Variants in CELF2 observed in about 807,000 individuals in gnomAD.
CELF2 encodes the protein CUGBP Elav-like family member 2, also known as CUG triplet repeat RNA-binding protein 2.
Under a neutral mutation model 62.6 loss-of-function variants are expected in CELF2, and 8 were observed. That is an observed-to-expected ratio of 0.13 (90% CI 0.07 to 0.23). The LOEUF (loss-of-function observed/expected upper bound fraction) is 0.23. Ranked by LOEUF, CELF2 falls within the 10% of genes least tolerant of loss-of-function variation. The pLI, the probability that CELF2 is intolerant of heterozygous loss-of-function variation, is 1.00. For missense variants in CELF2, 333 were observed against 671.0 expected (o/e 0.50, Z 5.56); for synonymous variants, 258 against 250.0 (o/e 1.03, Z -0.30).
At chr10:10,536,022 AT>A in the CELF2 span, among the ~76,000 whole-genome samples, 65 of 140,180 alleles carry the variant, frequency 4.6e-4, no homozygotes, top group Middle Eastern at 3.8e-3. Context: ...AAGCTTTTGG[AT>A]TTTTTTTTTT....
intron 1 of CELF2, among the ~76,000 whole-genome samples, chr10:10,838,906 G>A (rs780940623): frequency 9.2e-5 from 14 of 152,194 alleles, no homozygotes; most frequent in Admixed American, 2.0e-4. Flanking sequence ...TTGGGAGGCC[G>A]AGGCGGGCAG....
chr10:10,482,480 T>C, the CELF2 span, among the ~76,000 whole-genome samples: 1 of 152,354 alleles, frequency 6.6e-6, no homozygotes, highest in Middle Eastern at 3.4e-3. Flanking sequence ...TAAAAAAGTT[T>C]CCTTCACTGT....
At chr10:10,624,032 C>T in the CELF2 span, among the ~76,000 whole-genome samples, 1 of 152,172 alleles carries the variant, frequency 6.6e-6, no homozygotes, top group Non-Finnish European at 1.5e-5. Flanking sequence ...TGGATTGACT[C>T]TTCTGCTCTT....
At chr10:11,070,748 A>G (rs777540753) in intron 1 of CELF2, among the ~76,000 whole-genome samples, 11 of 152,196 alleles carry the variant, frequency 7.2e-5, no homozygotes, top group Non-Finnish European at 1.6e-4. Flanking sequence ...CATGGGAGAA[A>G]ACATGATACT....
the CELF2 span, among the ~76,000 whole-genome samples, chr10:10,663,839 C>T: frequency 6.6e-6 from 1 of 152,094 alleles, no homozygotes; most frequent in Non-Finnish European, 1.5e-5. Context: ...AATTAAAGCC[C>T]AAATAGATTC....
chr10:11,127,295 G>C (rs2058867625), intron 1 of CELF2, among the ~76,000 whole-genome samples: 1 of 152,168 alleles, frequency 6.6e-6, no homozygotes, highest in Non-Finnish European at 1.5e-5. Context: ...GTCTATCATT[G>C]ATGGAGATTT....
chr10:10,980,990 C>T (rs117628914), intron 2 of CELF2, among the ~76,000 whole-genome samples: 6,160 of 152,236 alleles, frequency 0.04, 185 homozygotes, highest in Non-Finnish European at 0.06. Context: ...TGTACGTCTA[C>T]ACTTTTTATA....
chr10:10,500,805 C>G, the CELF2 span, among the ~76,000 whole-genome samples: 1 of 152,220 alleles, frequency 6.6e-6, no homozygotes, highest in Non-Finnish European at 1.5e-5. Context: ...CTGCTCCTGC[C>G]TGCTCCTTAA....
At chr10:11,175,826 G>A (rs1051939961) in intron 2 of CELF2, among the ~76,000 whole-genome samples, 30 of 152,228 alleles carry the variant, frequency 2.0e-4, no homozygotes, top group African/African-American at 7.0e-4. Flanking sequence ...GCTTCTGGGT[G>A]CCTACTGTGT....
intron 5 of CELF2, among the ~76,000 whole-genome samples, chr10:11,264,505 C>G (rs542693821): frequency 6.6e-6 from 1 of 152,322 alleles, no homozygotes; most frequent in East Asian, 1.9e-4. Context: ...AAATCTATCT[C>G]CAATAGATGA....
intron 1 of CELF2, among the ~76,000 whole-genome samples, chr10:11,093,654 G>C (rs1444191008): frequency 6.6e-6 from 1 of 152,102 alleles, no homozygotes; most frequent in Non-Finnish European, 1.5e-5. Flanking sequence ...CTATAAAATA[G>C]TTCAGCAATT....
chr10:11,268,366 T>A lies in CELF2; in HGVS notation c.618+1689T>A, dbSNP rs796992963. ...TTTTGAACCTCAATTCTTCAGTGTTTCTGTTAGAAACATTACGATCCCCAT... is the reference window on the plus strand; with the variant it reads ...TTTTGAACCTCAATTCTTCAGTGTTACTGTTAGAAACATTACGATCCCCAT... On this transcript the variant is annotated intron_variant, in intron 6 of 12. Coordinates refer to ENST00000633077, the MANE Select transcript of CELF2 (RefSeq NM_001326342.2). This position sits in a 1 kb window ranked among gnomAD's most constrained non-coding sequence, Gnocchi z 4.7. Among the ~76,000 whole-genome samples, 1 of 152,214 alleles carries A rather than the reference T, an allele frequency of 6.6e-6. No homozygotes were observed. The highest frequency in any genetic ancestry group is 1.5e-5 in the Non-Finnish European group (1 of 68,038).
intron 1 of CELF2, among the ~76,000 whole-genome samples, chr10:10,890,976 T>C (rs1418192102): frequency 1.3e-5 from 2 of 151,918 alleles, no homozygotes; most frequent in African/African-American, 4.8e-5. Context: ...GACTGCAGCA[T>C]TGCACTCCAG....
chr10:11,298,382 G>A (rs866169569), intron 9 of CELF2, among the ~76,000 whole-genome samples: 4 of 152,196 alleles, frequency 2.6e-5, no homozygotes, highest in African/African-American at 9.7e-5. Context: ...CTGAGGGAGG[G>A]AACACTGACC....
At chr10:11,087,123 G>C (rs1205622559) in intron 1 of CELF2, among the ~76,000 whole-genome samples, 1 of 152,186 alleles carries the variant, frequency 6.6e-6, no homozygotes, top group Non-Finnish European at 1.5e-5. Flanking sequence ...CATCAGTGCT[G>C]TCTTACATCT....
the CELF2 span, among the ~76,000 whole-genome samples, chr10:10,585,866 A>G: frequency 6.6e-6 from 1 of 152,184 alleles, no homozygotes; most frequent in Admixed American, 6.6e-5. Flanking sequence ...AAAATTTAGC[A>G]TGACTGTTTA....
chr10:10,686,132 G>A, the CELF2 span, among the ~76,000 whole-genome samples: 1 of 152,070 alleles, frequency 6.6e-6, no homozygotes, highest in Non-Finnish European at 1.5e-5. Context: ...TGATTTCGTT[G>A]TTGGCAAATA....
chr10:10,723,164 T>A, the CELF2 span, among the ~76,000 whole-genome samples: 2 of 152,190 alleles, frequency 1.3e-5, no homozygotes, highest in South Asian at 4.1e-4. Flanking sequence ...CCTAAATTCA[T>A]CGTTTTTTTG....
chr10:10,542,560 T>C, the CELF2 span, among the ~76,000 whole-genome samples: 1 of 152,200 alleles, frequency 6.6e-6, no homozygotes, highest in Non-Finnish European at 1.5e-5. Flanking sequence ...AGGTGTCAGA[T>C]GTGTCCTGAT....
Sources: allele counts gnomAD v4.1 joint callset (sites outside exome capture counted in the v4.1 genomes callset), GRCh38; gene constraint gnomAD v4.1.1; non-coding constraint Gnocchi (gnomAD v3.1); transcripts MANE v1.5; gene names NCBI Gene and HGNC (gene_info 2026-07-23, HGNC 2026-07-21).